Variants in TPTE observed in about 807,000 individuals in gnomAD.
The protein encoded by TPTE is transmembrane phosphatase with tensin homology.
A neutral mutation model predicts 84.1 loss-of-function variants in TPTE; 59 were observed. The ratio of observed to expected loss-of-function variants is 0.70; its 90% CI spans 0.57 to 0.87. TPTE has a LOEUF of 0.87. Among genes scored for constraint, TPTE ranks in the 40% least tolerant of loss-of-function variants. TPTE has a pLI of 0.00. For missense variants in TPTE, 382 were observed against 659.6 expected, an observed-to-expected ratio of 0.58 and a Z score of 4.61; for synonymous variants, 130 against 223.5, an observed-to-expected ratio of 0.58 and a Z score of 3.73.
chr21:10,525,806 A>C (rs1289896309), intron 2 of TPTE, among the ~76,000 whole-genome samples: 2 of 152,308 alleles, frequency 1.3e-5, no homozygotes, highest in Non-Finnish European at 1.5e-5. Flanking sequence ...TCAAAGTATT[A>C]TTTCAGACTT....
At position 10,594,979 on chromosome 21, in the gene TPTE, C is replaced by T. The variant is rs1412769266; in HGVS notation, c.1171-1003C>T. 2.0e-4 allele frequency among the ~76,000 whole-genome samples: 31 copies of T among 152,372 alleles called. No homozygotes were observed. In the East Asian group the frequency reaches 3.5e-3, roughly 17 times the overall value. ...TAAAGGGAAGTATGGCCGTTAGTTACTTTAATCAACATTTCCCAATGGGTA... is the reference window on the plus strand; with the variant it reads ...TAAAGGGAAGTATGGCCGTTAGTTATTTTAATCAACATTTCCCAATGGGTA... On this transcript the variant is annotated intron_variant, in intron 19 of 23. Coordinates refer to ENST00000618007, the MANE Select transcript of TPTE (RefSeq NM_199261.4).
rs1211489256 is a variant in TPTE, at chr21:10,605,494, T to C, written c.1598T>C (p.Val533Ala). ...ARRIYPSDFAVEILFGEKMTS... is the reference protein window; with the variant it reads ...ARRIYPSDFAAEILFGEKMTS... Reference sequence around the variant, plus strand: ...AGAATTTATCCATCAGATTTTGCCGTGGAGATACTTTTTGGCGAGAAAATG... The same window carrying C: ...AGAATTTATCCATCAGATTTTGCCGCGGAGATACTTTTTGGCGAGAAAATG... Residue 533 changes from valine to alanine, a missense_variant, in exon 24 of 24, where the codon GTG becomes GCG. By Grantham distance (64) the Val-to-Ala change is moderately conservative. Coordinates refer to ENST00000618007, the MANE Select transcript of TPTE (RefSeq NM_199261.4). 6.2e-7 allele frequency: 1 copy of C among 1,614,240 alleles called. No individual in the cohort carries two copies. The highest frequency in any genetic ancestry group is 8.5e-7 in the Non-Finnish European group (1 of 1,180,018).
At chr21:10,584,879 A>AATGTGT (rs397946971) in intron 17 of TPTE, among the ~76,000 whole-genome samples, 1 of 148,746 alleles carries the variant, frequency 6.7e-6, no homozygotes, top group Non-Finnish European at 1.5e-5. Flanking sequence ...ATGCTTTACG[A>AATGTGT]GTGTGTGTGT....
chr21:10,534,366 T>C lies in TPTE; in HGVS notation c.-43-4315T>C, dbSNP rs199820950. Reference sequence around the variant, plus strand: ...CTCCTAATTTTACTGTAACTACTCCTGGGTAGTTGCTGTTATTGTCTATGG... The same window carrying C: ...CTCCTAATTTTACTGTAACTACTCCCGGGTAGTTGCTGTTATTGTCTATGG... On this transcript the variant is annotated intron_variant, in intron 3 of 23. Coordinates refer to ENST00000618007, the MANE Select transcript of TPTE (RefSeq NM_199261.4). 1.7e-4 allele frequency among the ~76,000 whole-genome samples: 26 copies of C among 152,412 alleles called. No individual in the cohort carries two copies. In the East Asian group the frequency reaches 4.8e-3, roughly 28 times the overall value.
At chr21:10,524,083 G>C (rs1227452417) in intron 1 of TPTE, among the ~76,000 whole-genome samples, 1 of 152,310 alleles carries the variant, frequency 6.6e-6, no homozygotes, top group African/African-American at 2.4e-5. Context: ...CTAGGATTCT[G>C]TTTGGGGTTG....
At chr21:10,539,873 G>A (rs1223651902) in intron 4 of TPTE, among the ~76,000 whole-genome samples, 4 of 152,308 alleles carry the variant, frequency 2.6e-5, no homozygotes, top group African/African-American at 9.6e-5. Flanking sequence ...ACCGGGTGTG[G>A]TGGCAGGCAC....
chr21:10,563,141 A>T (rs894774684), intron 10 of TPTE, among the ~76,000 whole-genome samples: 2 of 152,310 alleles, frequency 1.3e-5, no homozygotes, highest in Admixed American at 1.3e-4. Flanking sequence ...CATTTACCCT[A>T]GAACAGTGTA....
intron 8 of TPTE, among the ~76,000 whole-genome samples, chr21:10,556,770 A>G (rs1167290827): frequency 6.6e-6 from 1 of 152,308 alleles, no homozygotes; most frequent in Non-Finnish European, 1.5e-5. Context: ...TGTGGTTTTG[A>G]TTTGCATTTC....
intron 8 of TPTE, among the ~76,000 whole-genome samples, chr21:10,553,570 T>G (rs950595165): frequency 6.6e-6 from 1 of 152,312 alleles, no homozygotes; most frequent in African/African-American, 2.4e-5. Context: ...AGGCAAGCAT[T>G]TCCTTCTTTC....
intron 7 of TPTE, among the ~76,000 whole-genome samples, chr21:10,551,788 A>G (rs1360537589): frequency 3.9e-5 from 6 of 152,308 alleles, no homozygotes; most frequent in African/African-American, 7.2e-5. Flanking sequence ...GAGCAACTCT[A>G]CAATAAATTT....
At chr21:10,588,401 C>CCTTT (rs2075405119) in intron 17 of TPTE, among the ~76,000 whole-genome samples, 1 of 152,308 alleles carries the variant, frequency 6.6e-6, no homozygotes, top group Admixed American at 6.5e-5. Context: ...GATGGGGCTA[C>CCTTT]CTTTGTGTGT....
intron 3 of TPTE, among the ~76,000 whole-genome samples, chr21:10,536,538 A>G (rs2074268757): frequency 6.6e-6 from 1 of 152,310 alleles, no homozygotes; most frequent in South Asian, 2.1e-4. Flanking sequence ...GCAGATATAC[A>G]TACTTCTGTC....
intron 4 of TPTE, among the ~76,000 whole-genome samples, chr21:10,539,027 C>A (rs2074319278): frequency 1.3e-5 from 2 of 152,306 alleles, no homozygotes; most frequent in Non-Finnish European, 1.5e-5. Flanking sequence ...GGTAACATTG[C>A]TTCCTTTTCT....
chr21:10,592,166 A>AAACAAAC (rs2075490450), intron 18 of TPTE, 127 bp from the exon 19 acceptor site: 1 of 1,442,518 alleles, frequency 6.9e-7, no homozygotes, highest in African/African-American at 1.5e-5. Flanking sequence ...CTCTACCAAA[A>AAACAAAC]AAACAAACAA....
At chr21:10,556,413 G>A (rs1237703720) in intron 8 of TPTE, among the ~76,000 whole-genome samples, 26 of 152,294 alleles carry the variant, frequency 1.7e-4, no homozygotes, top group Non-Finnish European at 3.7e-4. Flanking sequence ...TGGTGTATAT[G>A]TGCCACATTT....
At chr21:10,566,474 C>G (rs1161029887) in intron 10 of TPTE, among the ~76,000 whole-genome samples, 1 of 152,310 alleles carries the variant, frequency 6.6e-6, no homozygotes, top group Non-Finnish European at 1.5e-5. Flanking sequence ...AAAAATAGAA[C>G]TACCATATGA....
intron 10 of TPTE, among the ~76,000 whole-genome samples, chr21:10,561,540 C>G (rs1455941629): frequency 6.6e-6 from 1 of 152,182 alleles, no homozygotes; most frequent in Non-Finnish European, 1.5e-5. Flanking sequence ...GGAGCATTCA[C>G]TACAAACTGA....
At chr21:10,555,492 C>G (rs1280614780) in intron 8 of TPTE, among the ~76,000 whole-genome samples, 1 of 152,308 alleles carries the variant, frequency 6.6e-6, no homozygotes, top group African/African-American at 2.4e-5. Flanking sequence ...AGGCGTGAGC[C>G]ACCGCGCCTG....
At chr21:10,523,556 T>C (rs879211895) in intron 1 of TPTE, among the ~76,000 whole-genome samples, 1 of 150,732 alleles carries the variant, frequency 6.6e-6, no homozygotes, top group Non-Finnish European at 1.5e-5. Flanking sequence ...CAGTGTTTGG[T>C]TTTTTGTTCT....
Sources: allele counts gnomAD v4.1 joint callset (sites outside exome capture counted in the v4.1 genomes callset), GRCh38; gene constraint gnomAD v4.1.1; transcripts MANE v1.5; gene names NCBI Gene and HGNC (gene_info 2026-07-23, HGNC 2026-07-21).